The following HIPK1 variants were observed in gnomAD, a reference collection of about 807,000 sequenced individuals.
The protein encoded by HIPK1 is homeodomain interacting protein kinase 1, also known as homeodomain-interacting protein kinase 1.
HIPK1 carries 28 observed loss-of-function variants against 117.1 expected under a neutral mutation model. The ratio of observed to expected loss-of-function variants is 0.24; its 90% CI spans 0.18 to 0.33. The LOEUF (loss-of-function observed/expected upper bound fraction) is 0.33, where lower values mean the gene tolerates loss of function less well. HIPK1 is among the 10% of genes least tolerant of loss of function. The probability of loss-of-function intolerance (pLI) is 1.00; values close to 1 mark genes in which losing one functional copy is unlikely to be tolerated. For missense variants in HIPK1, 1,122 were observed against 1,475.1 expected, an observed-to-expected ratio of 0.76 and a Z score of 3.92; for synonymous variants, 605 against 562.5, an observed-to-expected ratio of 1.08 and a Z score of -1.07.
At chr1:113,972,546 T>G (rs1044767113) in intron 15 of HIPK1, among the ~76,000 whole-genome samples, 10 of 152,172 alleles carry the variant, frequency 6.6e-5, no homozygotes, top group Admixed American at 6.5e-4. Context: ...AAAGTGTCAG[T>G]ATGAGGGTAT....
intron 2 of HIPK1, among the ~76,000 whole-genome samples, chr1:113,945,011 C>G (rs965015459): frequency 6.6e-6 from 1 of 151,860 alleles, no homozygotes; most frequent in African/African-American, 2.4e-5. Context: ...CCACACCTGA[C>G]TAGTGTTTTG....
intron 9 of HIPK1, 44 bp downstream of exon 9, chr1:113,962,482 A>ATTG: frequency 6.3e-7 from 1 of 1,580,748 alleles, no homozygotes; most frequent in Non-Finnish European, 8.6e-7. Context: ...GCTAAACACT[A>ATTG]TTGAGATTCA....
At chr1:113,938,927 A>ACACAC (rs60152674) in intron 1 of HIPK1, among the ~76,000 whole-genome samples, 2 of 118,456 alleles carry the variant, frequency 1.7e-5, no homozygotes, top group African/African-American at 6.6e-5. Flanking sequence ...AAAAAAAAAA[A>ACACAC]ATACACACAC....
At chr1:113,966,393 T>A in intron 11 of HIPK1, 121 bp downstream of exon 11, 1 of 854,638 alleles carries the variant, frequency 1.2e-6, no homozygotes. Flanking sequence ...GTTGGAATCC[T>A]TTAAGAACCC....
intron 1 of HIPK1, among the ~76,000 whole-genome samples, chr1:113,938,146 T>TC (rs1558125368): frequency 6.6e-6 from 1 of 151,034 alleles, no homozygotes. Context: ...TTTTTTTTTT[T>TC]CCCGGTAGAG....
Position 113,962,417 on chromosome 1 carries a change from T to A in HIPK1, c.2082T>A (p.Ile694=). ...PQAPAAQPLQ[I]QSGVLTQGSC... ...CACCAGCTGCTCAGCCACTACAGAT[T>A]CAGTCAGGAGTTCTCACGCAGGTAA... Residue 694 remains isoleucine (I), a synonymous_variant, in exon 9 of 16, where the codon ATT becomes ATA. Coordinates refer to ENST00000426820, the MANE Select transcript of HIPK1 (RefSeq NM_198268.3). 6.2e-7 allele frequency: 1 copy of A among 1,613,784 alleles called. No homozygotes were observed. Among genetic ancestry groups the A allele is most frequent in the East Asian group, 2.2e-5 (1 of 44,846 alleles).
intron 2 of HIPK1, among the ~76,000 whole-genome samples, chr1:113,950,886 G>A (rs1414095317): frequency 6.6e-6 from 1 of 152,030 alleles, no homozygotes; most frequent in Non-Finnish European, 1.5e-5. Context: ...GTAAAATGGA[G>A]GTAATACTTT....
At chr1:113,963,890 T>C (rs1249967149) in intron 10 of HIPK1, among the ~76,000 whole-genome samples, 1 of 152,200 alleles carries the variant, frequency 6.6e-6, no homozygotes, top group Non-Finnish European at 1.5e-5. Flanking sequence ...CCTCTGATCC[T>C]TGAGAATGAA....
chr1:113,929,389 C>A lies in HIPK1; in HGVS notation c.-146C>A. On this transcript the variant is annotated 5_prime_UTR_variant, in exon 1 of 16. Transcript: ENST00000426820. ...TTAAATCACCGCAGAGTCTGCAGTG[C>A]GGAGGGGGCGGGAAGTCCAGGCCCC... is the stretch of plus-strand genomic sequence containing the variant. 7.8e-7 allele frequency: 1 copy of A among 1,289,442 alleles called. No individual in the cohort carries two copies. Among genetic ancestry groups the A allele is most frequent in the Non-Finnish European group, 1.0e-6 (1 of 988,870 alleles). The allele number at this position is 1,289,442 out of a possible 1,614,324, so 79.9% of individuals were successfully genotyped here. A position where few individuals can be genotyped will look rare whatever the true frequency, so the allele number is the denominator to read the frequency against.
At chr1:113,946,425 A>G (rs1464716591) in intron 2 of HIPK1, among the ~76,000 whole-genome samples, 2 of 152,236 alleles carry the variant, frequency 1.3e-5, no homozygotes, top group Non-Finnish European at 2.9e-5. Context: ...TTTTAAATTG[A>G]AAAAGGGAGA....
intron 2 of HIPK1, among the ~76,000 whole-genome samples, chr1:113,952,444 G>T (rs1326022385): frequency 6.6e-6 from 1 of 152,074 alleles, no homozygotes; most frequent in African/African-American, 2.4e-5. Context: ...TCTTTATTTA[G>T]CCAACTTAGT....
At chr1:113,942,937 A>G (rs1438977317) in intron 2 of HIPK1, among the ~76,000 whole-genome samples, 2 of 152,236 alleles carry the variant, frequency 1.3e-5, no homozygotes, top group Non-Finnish European at 2.9e-5. Context: ...ATAAGGAGCT[A>G]TACATGCCAG....
chr1:113,943,666 A>G (rs1211078404), intron 2 of HIPK1, among the ~76,000 whole-genome samples: 1 of 152,216 alleles, frequency 6.6e-6, no homozygotes, highest in Non-Finnish European at 1.5e-5. Flanking sequence ...GCTGGGTCAC[A>G]TGATAATTCT....
intron 11 of HIPK1, among the ~76,000 whole-genome samples, chr1:113,967,015 A>G (rs1229653474): frequency 6.6e-6 from 1 of 152,132 alleles, no homozygotes; most frequent in Non-Finnish European, 1.5e-5. Context: ...GGCTTATTTC[A>G]CTTAACATGA....
intron 2 of HIPK1, among the ~76,000 whole-genome samples, chr1:113,945,259 A>G (rs560624694): frequency 1.3e-5 from 2 of 152,242 alleles, no homozygotes; most frequent in South Asian, 4.1e-4. Flanking sequence ...TGTATACTCT[A>G]TATACTTAAT....
At chr1:113,969,899 G>C (rs374307580) in intron 13 of HIPK1, 57 bp from the exon 14 acceptor site, 6 of 1,588,980 alleles carry the variant, frequency 3.8e-6, no homozygotes, top group Non-Finnish European at 5.2e-6. Flanking sequence ...AGAACAAGAC[G>C]CTGTCACACA....
intron 1 of HIPK1, 179 bp downstream of exon 1, chr1:113,929,711 AGGCGGC>A (rs774270345): frequency 5.0e-5 from 40 of 803,058 alleles, no homozygotes; most frequent in South Asian, 5.6e-5. Context: ...CGCGGGGCTG[AGGCGGC>A]GGCGGCGGCG....
intron 9 of HIPK1, 78 bp downstream of exon 9, chr1:113,962,516 A>G (rs1320032244): frequency 7.1e-7 from 1 of 1,416,168 alleles, no homozygotes; most frequent in East Asian, 2.5e-5. Flanking sequence ...AGAAAATGGT[A>G]TTTCCTTTGA....
intron 6 of HIPK1, 136 bp from the exon 7 acceptor site, chr1:113,956,988 A>G (rs763861232): frequency 8.6e-5 from 77 of 898,336 alleles, no homozygotes; most frequent in Non-Finnish European, 1.2e-4. Context: ...TTTCTTCCCT[A>G]TGATTATACA....
Sources: gnomAD v4.1 joint callset for allele counts (sites outside exome capture counted in the v4.1 genomes callset) on GRCh38, gnomAD v4.1.1 for gene constraint, MANE v1.5 for transcripts, NCBI Gene and HGNC (gene_info 2026-07-23, HGNC 2026-07-21) for gene names.